The following HHIPL2 variants were observed in gnomAD, a reference collection of about 807,000 sequenced individuals.
The protein encoded by HHIPL2 is HHIP like 2.
Under a neutral mutation model 61.0 loss-of-function variants are expected in HHIPL2, and 61 were observed. The observed-to-expected ratio is 1.00, with a 90% confidence interval of 0.81 to 1.24. The LOEUF is 1.24. Ranked by LOEUF, HHIPL2 falls within the 50% of genes most tolerant of loss-of-function variation. The probability of loss-of-function intolerance (pLI) is 0.00; values close to 1 mark genes in which losing one functional copy is unlikely to be tolerated. For synonymous variants in HHIPL2, 343 were observed against 357.4 expected (o/e 0.96, Z 0.45); for missense variants, 885 against 910.2 (o/e 0.97, Z 0.36).
chr1:222,526,531 C>A (rs1425171087), intron 7 of HHIPL2, among the ~76,000 whole-genome samples: 3 of 151,878 alleles, frequency 2.0e-5, no homozygotes, highest in Non-Finnish European at 4.4e-5. Context: ...CATGGAGAAA[C>A]CCCATCTCTA....
In HHIPL2 at chr1:222,532,105, A is replaced by G; in HGVS notation, c.1584T>C (p.Leu528=). 6 of 1,612,478 alleles carry G rather than the reference A, an allele frequency of 3.7e-6. No individual in the cohort carries two copies. The highest frequency in any genetic ancestry group is 4.2e-6 in the Non-Finnish European group (5 of 1,179,138). The change falls in exon 6 of 9, where the codon CTT becomes CTC. Residue 528 remains leucine, a synonymous_variant. Transcript: ENST00000343410. ...TTTTTCTATCTTCCTGCAAAGCCAT[A>G]AGTCGACTAGACAAAAAATAAACCC... ...YIFGDFMSGR[L]MALQEDRKNK...
At chr1:222,537,024 G>A (rs1005538327) in intron 5 of HHIPL2, among the ~76,000 whole-genome samples, 2 of 152,072 alleles carry the variant, frequency 1.3e-5, no homozygotes, top group African/African-American at 4.8e-5. Context: ...GCATAACAGA[G>A]CAAAACCTTG....
In HHIPL2 at chr1:222,542,146, C is replaced by T. The variant is rs958112050; in HGVS notation, c.984G>A (p.Leu328=). The change falls in exon 3 of 9, where the codon TTG becomes TTA. Residue 328 remains leucine, a synonymous_variant. Transcript: ENST00000343410. ...GGTTTGAGGCTGGTTCTTCAATCTC[C>T]AAGATGACCCTGGAAGAGAAAAAAG... ...KADLKSERVI[L]EIEEPASNHN... The T allele has an allele frequency of 1.2e-6, 2 of 1,613,526 alleles. No individual in the cohort carries two copies. The highest frequency in any genetic ancestry group is 1.3e-5 in the African/African-American group (1 of 74,824).
chr1:222,547,650 G>A, intron 1 of HHIPL2, 74 bp downstream of exon 1: 12 of 1,333,154 alleles, frequency 9.0e-6, no homozygotes, highest in Non-Finnish European at 1.3e-5. Flanking sequence ...GGCTCCCAAA[G>A]CACCCTCCGC....
chr1:222,526,240 A>C (rs910586973), intron 7 of HHIPL2, among the ~76,000 whole-genome samples: 5 of 152,096 alleles, frequency 3.3e-5, no homozygotes, highest in Non-Finnish European at 7.4e-5. Context: ...ATAAACACTA[A>C]ACTCCAGAAA....
intron 3 of HHIPL2, among the ~76,000 whole-genome samples, chr1:222,541,041 G>T (rs66498543): frequency 0.094 from 14,288 of 152,228 alleles, 785 homozygotes; most frequent in African/African-American, 0.15. Context: ...TTCAAGAACA[G>T]CCTAGGCAAT....
At chr1:222,524,918 G>T (rs939155891) in intron 7 of HHIPL2, 3 of 152,136 alleles carry the variant, frequency 2.0e-5, no homozygotes, top group Admixed American at 6.5e-5. Flanking sequence ...GCTCCTCTTA[G>T]TAGCTGTACC....
At chr1:222,538,926 G>A in intron 4 of HHIPL2, 152 bp from the exon 5 acceptor site, 1 of 709,690 alleles carries the variant, frequency 1.4e-6, no homozygotes. Flanking sequence ...AGTGAATCAT[G>A]TTTATTGTTC....
At chr1:222,523,715 C>T (rs1257819678) in intron 7 of HHIPL2, 21 bp from the exon 8 acceptor site, 9 of 1,612,398 alleles carry the variant, frequency 5.6e-6, no homozygotes, top group African/African-American at 1.3e-5. Context: ...AAACAGAAAG[C>T]ATGAGGACGC....
chr1:222,534,039 T>C (rs1659246693), intron 5 of HHIPL2, among the ~76,000 whole-genome samples: 1 of 152,204 alleles, frequency 6.6e-6, no homozygotes, highest in Non-Finnish European at 1.5e-5. Context: ...AGATCAGGAA[T>C]AGCATAAGTA....
chr1:222,523,010 A>T, intron 8 of HHIPL2, 123 bp from the exon 9 acceptor site: 1 of 809,500 alleles, frequency 1.2e-6, no homozygotes, highest in Non-Finnish European at 1.8e-6. Context: ...TAATTCTCTA[A>T]CTGGCCTTGG....
intron 5 of HHIPL2, among the ~76,000 whole-genome samples, chr1:222,532,885 A>G (rs61825500): frequency 0.46 from 69,824 of 151,690 alleles, 16,903 homozygotes; most frequent in East Asian, 0.66. Flanking sequence ...ATTGCTGTAT[A>G]TTTATACAGT....
rs139955139 is a variant in HHIPL2, at chr1:222,538,688, T to C, written c.1537A>G (p.Asn513Asp). 28 of 1,613,840 alleles carry C rather than the reference T, an allele frequency of 1.7e-5. No individual in the cohort carries two copies. In the African/African-American group the frequency reaches 3.2e-4, roughly 18 times the overall value. The part of the protein sequence containing the change: ...GYVYRGCESP[N>D]LNGLYIFGDF... ...CCAAAGATATACAGGCCATTGAGAT[T>C]TGGGGATTCACAACCACGATAGACA... Residue 513 changes from asparagine to aspartate, a missense_variant, in exon 5 of 9, where the codon AAT (asparagine) becomes GAT (aspartate). Coordinates refer to ENST00000343410, the MANE Select transcript of HHIPL2 (RefSeq NM_024746.4).
chr1:222,525,405 TTGGCTATCCACCC>T (rs1659041399), intron 7 of HHIPL2, among the ~76,000 whole-genome samples: 1 of 152,074 alleles, frequency 6.6e-6, no homozygotes, highest in Admixed American at 6.6e-5. Context: ...AATTCACCCC[TTGGCTATCCACCC>T]TCCACCATCC....
chr1:222,529,051 C>T (rs750209561), intron 6 of HHIPL2, among the ~76,000 whole-genome samples: 4 of 151,946 alleles, frequency 2.6e-5, no homozygotes, highest in Non-Finnish European at 5.9e-5. Flanking sequence ...CAAACTCCTG[C>T]ACTCAAGCAA....
At chr1:222,537,824 T>G (rs1407043352) in intron 5 of HHIPL2, among the ~76,000 whole-genome samples, 1 of 152,062 alleles carries the variant, frequency 6.6e-6, no homozygotes, top group East Asian at 1.9e-4. Flanking sequence ...AAACTGGAAT[T>G]TAACAAAATA....
At chr1:222,525,845 G>A (rs1659051506) in intron 7 of HHIPL2, among the ~76,000 whole-genome samples, 3 of 151,590 alleles carry the variant, frequency 2.0e-5, no homozygotes, top group South Asian at 2.1e-4. Flanking sequence ...CTGAAAATAC[G>A]AAAATTAGTC....
chr1:222,527,235 C>T (rs1157617940), intron 6 of HHIPL2, among the ~76,000 whole-genome samples, 185 bp from the exon 7 acceptor site: 1 of 152,214 alleles, frequency 6.6e-6, no homozygotes, highest in African/African-American at 2.4e-5. Flanking sequence ...AGGAGAAAGT[C>T]CATCTTTGAA....
intron 1 of HHIPL2, among the ~76,000 whole-genome samples, chr1:222,546,460 T>G (rs200832755): frequency 1.5e-3 from 232 of 152,358 alleles, no homozygotes; most frequent in Non-Finnish European, 9.3e-4. Flanking sequence ...AATAAACACG[T>G]GTAGGACTGT....
Sources: allele counts gnomAD v4.1 joint callset (sites outside exome capture counted in the v4.1 genomes callset), GRCh38; gene constraint gnomAD v4.1.1; transcripts MANE v1.5; gene names NCBI Gene and HGNC (gene_info 2026-07-23, HGNC 2026-07-21).